The following KDM4C variants were observed in gnomAD, a reference collection of about 807,000 sequenced individuals.
KDM4C encodes lysine-specific demethylase 4C.
KDM4C carries 81 observed loss-of-function variants against 129.3 expected under a neutral mutation model. The observed-to-expected ratio is 0.63, with a 90% CI of 0.52 to 0.75. The LOEUF (loss-of-function observed/expected upper bound fraction) is 0.75. Among genes scored for constraint, KDM4C ranks in the 30% least tolerant of loss-of-function variants. The pLI, the probability that KDM4C is intolerant of heterozygous loss-of-function variation, is 0.00. For missense variants in KDM4C, 1,457 were observed against 1,304.0 expected, an observed-to-expected ratio of 1.12 and a Z score of -1.81; for synonymous variants, 573 against 456.1, an observed-to-expected ratio of 1.26 and a Z score of -3.26.
intron 8 of KDM4C, among the ~76,000 whole-genome samples, chr9:6,923,846 A>T (rs1435601795): frequency 1.3e-5 from 2 of 152,144 alleles, no homozygotes; most frequent in African/African-American, 4.8e-5. Context: ...ACCAAGGGGG[A>T]CCACTGTGTC....
At position 6,990,524 on chromosome 9, in the gene KDM4C, G is replaced by T; in HGVS notation, c.1786G>T (p.Glu596Ter). The change falls in exon 12 of 22, where the codon GAA becomes TAA. Residue 596 changes from glutamate (E) to a stop codon, truncating the protein, a stop_gained and splice_region_variant. Transcript: ENST00000381309. LOFTEE classifies it high-confidence loss of function. Reference sequence around the variant, plus strand: ...GAAGCAGCAGGCGCCAAGTGATGAAGGTGAGATGGTGACCCTTTTTGGGAT... The same window carrying T: ...GAAGCAGCAGGCGCCAAGTGATGAATGTGAGATGGTGACCCTTTTTGGGAT... ...LVKQQAPSDE[E>*]LPEVLSIEEE... 6.4e-7 allele frequency: 1 copy of T among 1,574,440 alleles called. No individual in the cohort carries two copies. Among genetic ancestry groups the T allele is most frequent in the South Asian group, 1.2e-5 (1 of 85,178 alleles).
intron 4 of KDM4C, chr9:6,818,966 A>AG (rs1164514969): frequency 6.6e-6 from 1 of 152,134 alleles, no homozygotes; most frequent in Non-Finnish European, 1.5e-5. Context: ...TGTGCGTTGT[A>AG]ACCTGGCAAA....
intron 17 of KDM4C, among the ~76,000 whole-genome samples, chr9:7,087,379 T>C: frequency 6.6e-6 from 1 of 152,156 alleles, no homozygotes; most frequent in East Asian, 1.9e-4. Flanking sequence ...AAAGGCTTCA[T>C]CTATCTGAGA....
At chr9:6,932,437 G>A (rs1823923629) in intron 8 of KDM4C, among the ~76,000 whole-genome samples, 1 of 152,174 alleles carries the variant, frequency 6.6e-6, no homozygotes, top group South Asian at 2.1e-4. Flanking sequence ...GTGGGCCCTT[G>A]AGAAAACTTT....
chr9:6,855,473 A>C (rs932871605), intron 5 of KDM4C, among the ~76,000 whole-genome samples: 8 of 151,002 alleles, frequency 5.3e-5, no homozygotes, highest in Non-Finnish European at 7.4e-5. Flanking sequence ...AAAAAAAAAA[A>C]AAAAAAAAAA....
chr9:6,919,547 CTAT>C (rs1821069562), intron 8 of KDM4C, among the ~76,000 whole-genome samples: 1 of 72,018 alleles, frequency 1.4e-5, no homozygotes, highest in African/African-American at 4.6e-5. Flanking sequence ...GTCTGTCTGT[CTAT>C]CTATCTATCT....
At chr9:6,944,078 T>A (rs969637194) in intron 8 of KDM4C, among the ~76,000 whole-genome samples, 1 of 152,234 alleles carries the variant, frequency 6.6e-6, no homozygotes, top group Non-Finnish European at 1.5e-5. Flanking sequence ...TGGGTTACAT[T>A]AGCTTCATAA....
intron 4 of KDM4C, among the ~76,000 whole-genome samples, chr9:6,831,533 G>T (rs2131319323): frequency 6.6e-6 from 1 of 152,166 alleles, no homozygotes; most frequent in Non-Finnish European, 1.5e-5. Context: ...AGTAGAGATG[G>T]GGTTTCACCA....
At chr9:7,105,903 C>T (rs1272447950) in intron 18 of KDM4C, among the ~76,000 whole-genome samples, 1 of 152,188 alleles carries the variant, frequency 6.6e-6, no homozygotes, top group East Asian at 1.9e-4. Flanking sequence ...TTAGAAACTA[C>T]TGTCTCCTAC....
In KDM4C at chr9:6,799,972, C is replaced by T. The variant is rs905479296; in HGVS notation, c.145-5627C>T. On this transcript the variant is annotated intron_variant, in intron 2 of 21. Coordinates refer to ENST00000381309, the MANE Select transcript of KDM4C (RefSeq NM_015061.6). Reference sequence around the variant, plus strand: ...GCATGGTGGCTCACGCCTGTAGTCCCAGCACTTTGGGAGGCCAAGGTGGGA... The same window carrying T: ...GCATGGTGGCTCACGCCTGTAGTCCTAGCACTTTGGGAGGCCAAGGTGGGA... Among the ~76,000 whole-genome samples the T allele has an allele frequency of 3.3e-5, 5 of 151,764 alleles. No individual in the cohort carries two copies. The South Asian group carries it at 6.2e-4, about 19-fold the overall frequency.
intron 8 of KDM4C, among the ~76,000 whole-genome samples, chr9:6,948,929 A>T (rs1827514159): frequency 6.6e-6 from 1 of 152,086 alleles, no homozygotes; most frequent in Non-Finnish European, 1.5e-5. Context: ...TCTTTTCCCC[A>T]CATTTCCCCC....
intron 4 of KDM4C, among the ~76,000 whole-genome samples, chr9:6,820,287 A>T (rs1396677503): frequency 6.6e-6 from 1 of 152,192 alleles, no homozygotes; most frequent in Non-Finnish European, 1.5e-5. Context: ...AGAGAGAGTG[A>T]AAGGTGGGAC....
Position 7,049,209 on chromosome 9 carries a change from C to T in KDM4C, c.2424+9C>T, listed in dbSNP as rs747099434. ...TACAGAGGTTAAAATTGGTGAGTGGCAAAGCTTCTTTTTTACCTCATAAAT... is the reference window on the plus strand; with the variant it reads ...TACAGAGGTTAAAATTGGTGAGTGGTAAAGCTTCTTTTTTACCTCATAAAT... On this transcript the variant is annotated intron_variant, in intron 17 of 21. Transcript: ENST00000381309. The T allele has an allele frequency of 2.1e-6, 3 of 1,459,140 alleles. No homozygotes were observed. The highest frequency in any genetic ancestry group is 1.8e-5 in the Admixed American group (1 of 56,886). 90.4% of individuals were successfully genotyped at this position (1,459,140 alleles called of 1,614,324 possible). A position where few individuals can be genotyped will look rare whatever the true frequency, so the allele number is the denominator to read the frequency against.
chr9:7,013,573 A>T (rs772320044), intron 13 of KDM4C, among the ~76,000 whole-genome samples: 2 of 152,202 alleles, frequency 1.3e-5, no homozygotes, highest in Non-Finnish European at 2.9e-5. Flanking sequence ...GAACAGACAT[A>T]TAGAATATTG....
intron 1 of KDM4C, among the ~76,000 whole-genome samples, chr9:6,721,495 G>A (rs1352795760): frequency 6.6e-6 from 1 of 151,536 alleles, no homozygotes; most frequent in Non-Finnish European, 1.5e-5. Flanking sequence ...TGTTGGGCAG[G>A]CTGGTCTCAA....
intron 15 of KDM4C, among the ~76,000 whole-genome samples, chr9:7,026,893 C>T (rs1825905677): frequency 6.6e-6 from 1 of 151,976 alleles, no homozygotes; most frequent in Non-Finnish European, 1.5e-5. Flanking sequence ...ATGCATTCTT[C>T]AATGTCAGTA....
intron 4 of KDM4C, among the ~76,000 whole-genome samples, chr9:6,829,660 C>G (rs139534434): frequency 1.3e-5 from 2 of 152,178 alleles, no homozygotes; most frequent in African/African-American, 2.4e-5. Flanking sequence ...TTCAGACAGT[C>G]ACCAGGAAGG....
chr9:6,816,356 T>C (rs1338921144), intron 4 of KDM4C, among the ~76,000 whole-genome samples: 3 of 152,190 alleles, frequency 2.0e-5, no homozygotes, highest in Non-Finnish European at 4.4e-5. Context: ...AGGAAAACAT[T>C]ACCAGCACCG....
rs1464286014 is a variant in KDM4C at position 6,758,149 on chromosome 9, C to G, written c.-72C>G. 1 of 985,730 alleles carries G rather than the reference C, an allele frequency of 1.0e-6. No individual in the cohort carries two copies. Among genetic ancestry groups the G allele is most frequent in the Non-Finnish European group, 1.2e-6 (1 of 830,170 alleles). The allele number at this position is 985,730 out of a possible 1,614,324, so 61.1% of individuals were successfully genotyped here. ...CCAAATCTCCCTGGGCCGGAGGCCACTGTCTTCTCTTCCTCCTCCACCGAG... is the reference window on the plus strand; with the variant it reads ...CCAAATCTCCCTGGGCCGGAGGCCAGTGTCTTCTCTTCCTCCTCCACCGAG... On this transcript the variant is annotated 5_prime_UTR_variant, in exon 1 of 22. Coordinates refer to ENST00000381309, the MANE Select transcript of KDM4C (RefSeq NM_015061.6). This position sits in a 1 kb window ranked among gnomAD's most constrained non-coding sequence, Gnocchi z 4.6.
Sources: allele counts gnomAD v4.1 joint callset (sites outside exome capture counted in the v4.1 genomes callset), GRCh38; gene constraint gnomAD v4.1.1; non-coding constraint Gnocchi (gnomAD v3.1); transcripts MANE v1.5; gene names NCBI Gene and HGNC (gene_info 2026-07-23, HGNC 2026-07-21).